LDLRAD3: variants seen among roughly 807,000 people sequenced by gnomAD.
LDLRAD3 encodes the protein low-density lipoprotein receptor class A domain-containing protein 3.
LDLRAD3 carries 20 observed loss-of-function variants against 29.4 expected under a neutral mutation model. That is an observed-to-expected ratio of 0.68 (90% CI 0.48 to 0.99). The LOEUF is 0.99. Among genes scored for constraint, LDLRAD3 ranks in the 50% least tolerant of loss-of-function variants. The pLI is 0.00. For missense variants in LDLRAD3, 420 were observed against 454.3 expected, an observed-to-expected ratio of 0.92 and a Z score of 0.69; for synonymous variants, 157 against 192.7, an observed-to-expected ratio of 0.81 and a Z score of 1.53.
chr11:36,131,022 C>T (rs896117815), intron 4 of LDLRAD3, among the ~76,000 whole-genome samples: 19 of 152,240 alleles, frequency 1.2e-4, no homozygotes, highest in African/African-American at 4.6e-4. Flanking sequence ...GGATGCCTCA[C>T]CTGACTTCCA....
At chr11:36,057,147 G>A (rs2133229800) in intron 2 of LDLRAD3, among the ~76,000 whole-genome samples, 1 of 152,210 alleles carries the variant, frequency 6.6e-6, no homozygotes, top group South Asian at 2.1e-4. Flanking sequence ...TCAATCAGGA[G>A]GCCTAGGATA....
intron 1 of LDLRAD3, among the ~76,000 whole-genome samples, chr11:35,969,025 C>T (rs1851378491): frequency 6.6e-6 from 1 of 152,188 alleles, no homozygotes; most frequent in African/African-American, 2.4e-5. Flanking sequence ...CTCAGAGTCA[C>T]GATTTTATAC....
intron 4 of LDLRAD3, among the ~76,000 whole-genome samples, chr11:36,144,484 G>A (rs1361421423): frequency 2.0e-5 from 3 of 150,800 alleles, no homozygotes; most frequent in Non-Finnish European, 3.0e-5. Context: ...AGGAAGTGAG[G>A]AGCGTCTCTG....
intron 1 of LDLRAD3, among the ~76,000 whole-genome samples, chr11:35,973,078 G>A (rs1851435074): frequency 6.7e-6 from 1 of 149,622 alleles, no homozygotes; most frequent in African/African-American, 2.5e-5. Context: ...AAAAAAGGGA[G>A]CACATAATGA....
intron 4 of LDLRAD3, among the ~76,000 whole-genome samples, chr11:36,123,586 C>G (rs10836501): frequency 0.26 from 39,143 of 152,250 alleles, 5,272 homozygotes; most frequent in East Asian, 0.33. Context: ...TATCTCCAGC[C>G]AGAGAGGCTG....
chr11:36,158,625 A>G (rs1854390294), intron 4 of LDLRAD3, among the ~76,000 whole-genome samples: 1 of 149,674 alleles, frequency 6.7e-6, no homozygotes, highest in Non-Finnish European at 1.5e-5. Flanking sequence ...GCCCACTACC[A>G]TGTAAATTCT....
chr11:36,110,292 C>A (rs1853588428), intron 4 of LDLRAD3, among the ~76,000 whole-genome samples: 1 of 152,094 alleles, frequency 6.6e-6, no homozygotes, highest in African/African-American at 2.4e-5. Flanking sequence ...CTTTAGTCTC[C>A]CCCATTTCTT....
At chr11:36,215,267 A>C (rs573715916) in intron 4 of LDLRAD3, among the ~76,000 whole-genome samples, 8 of 152,350 alleles carry the variant, frequency 5.3e-5, no homozygotes, top group African/African-American at 1.4e-4. Flanking sequence ...GAGATTATTC[A>C]GGGCCTGGAG....
At chr11:36,110,102 T>G (rs1853585811) in intron 4 of LDLRAD3, 1 of 152,120 alleles carries the variant, frequency 6.6e-6, no homozygotes, top group African/African-American at 2.4e-5. Flanking sequence ...CAGGTGGGGT[T>G]TTCTTCTTAG....
intron 4 of LDLRAD3, among the ~76,000 whole-genome samples, chr11:36,198,742 C>A (rs1191934785): frequency 6.6e-6 from 1 of 152,232 alleles, no homozygotes; most frequent in Non-Finnish European, 1.5e-5. Context: ...ACAGTGTATT[C>A]TCCTGATGTG....
At chr11:36,178,663 A>G (rs1479899904) in intron 4 of LDLRAD3, among the ~76,000 whole-genome samples, 1 of 152,186 alleles carries the variant, frequency 6.6e-6, no homozygotes, top group Non-Finnish European at 1.5e-5. Context: ...TCCACTGACC[A>G]GCGCTAATTC....
intron 3 of LDLRAD3, among the ~76,000 whole-genome samples, chr11:36,089,688 C>T (rs1384137287): frequency 1.3e-5 from 2 of 152,098 alleles, no homozygotes; most frequent in African/African-American, 4.8e-5. Context: ...GTACCTTAGA[C>T]ACCTGGGTTC....
chr11:36,172,176 G>A (rs1022157485), intron 4 of LDLRAD3, among the ~76,000 whole-genome samples: 1 of 152,126 alleles, frequency 6.6e-6, no homozygotes, highest in Non-Finnish European at 1.5e-5. Context: ...CATTGATTTT[G>A]TATCCTGAAA....
At chr11:36,043,635 G>A (rs1852410405) in intron 2 of LDLRAD3, among the ~76,000 whole-genome samples, 2 of 152,330 alleles carry the variant, frequency 1.3e-5, no homozygotes, top group South Asian at 4.1e-4. Flanking sequence ...GAAGATAGGA[G>A]GGAAGAAGAC....
intron 4 of LDLRAD3, among the ~76,000 whole-genome samples, chr11:36,194,183 G>A (rs1009612866): frequency 6.6e-6 from 1 of 152,088 alleles, no homozygotes; most frequent in Non-Finnish European, 1.5e-5. Context: ...TTAGCCCCCT[G>A]AGTTGGTATA....
intron 4 of LDLRAD3, among the ~76,000 whole-genome samples, chr11:36,174,594 G>A (rs193247018): frequency 9.2e-5 from 14 of 152,280 alleles, no homozygotes; most frequent in African/African-American, 3.4e-4. Flanking sequence ...CATTCATGCA[G>A]CCAACAGACA....
At chr11:35,968,444 A>G in intron 1 of LDLRAD3, 1 of 381,030 alleles carries the variant, frequency 2.6e-6, no homozygotes, top group Admixed American at 3.0e-5. Flanking sequence ...ATATTTGAGA[A>G]GGTGTGACAC....
intron 1 of LDLRAD3, among the ~76,000 whole-genome samples, chr11:35,947,657 A>G (rs1312869441): frequency 6.6e-6 from 1 of 152,188 alleles, no homozygotes; most frequent in East Asian, 1.9e-4. Context: ...CTTGCCAAGG[A>G]TATCATGTGG....
chr11:36,133,461 C>T (rs1038874057), intron 4 of LDLRAD3, among the ~76,000 whole-genome samples: 5 of 151,966 alleles, frequency 3.3e-5, no homozygotes, highest in Non-Finnish European at 7.4e-5. Context: ...TGGGCTGAAG[C>T]AGTCCTCCTG....
Sources: gnomAD v4.1 joint callset for allele counts (sites outside exome capture counted in the v4.1 genomes callset) on GRCh38, gnomAD v4.1.1 for gene constraint, MANE v1.5 for transcripts, NCBI Gene and HGNC (gene_info 2026-07-23, HGNC 2026-07-21) for gene names.